The following PTPRT variants were observed in gnomAD, a reference collection of about 807,000 sequenced individuals.
PTPRT encodes protein tyrosine phosphatase receptor type T.
In PTPRT, 56 loss-of-function variants were observed where a neutral mutation model predicts 176.8. The observed-to-expected ratio is 0.32, with a 90% CI of 0.26 to 0.40. The LOEUF (loss-of-function observed/expected upper bound fraction) is 0.40. PTPRT is among the 10% of genes least tolerant of loss of function. The probability of loss-of-function intolerance (pLI) is 1.00; values close to 1 mark genes in which losing one functional copy is unlikely to be tolerated. For synonymous variants in PTPRT, 783 were observed against 739.0 expected (o/e 1.06, Z -0.96); for missense variants, 1,540 against 1,908.2 (o/e 0.81, Z 3.60).
chr20:42,997,139 G>A (rs540656115), intron 1 of PTPRT, among the ~76,000 whole-genome samples: 1 of 152,184 alleles, frequency 6.6e-6, no homozygotes, highest in South Asian at 2.1e-4. Flanking sequence ...TTTAGCAGAT[G>A]GTATTTTCCA....
rs377025066 is a variant in PTPRT at position 42,226,519 on chromosome 20, C to T, written c.2342+9710G>A. ...ACAAACAAAATGCAATCATTAGCAT[C>T]ATCATCAACATTGAGGGGCTTAACT... On this transcript the variant is annotated intron_variant, in intron 15 of 30. Coordinates refer to ENST00000373187, the MANE Select transcript of PTPRT (RefSeq NM_007050.6). 3.8e-4 allele frequency among the ~76,000 whole-genome samples: 58 copies of T among 152,268 alleles called. 1 individual carries two copies. The South Asian group carries it at 0.012, about 31-fold the overall frequency.
intron 1 of PTPRT, among the ~76,000 whole-genome samples, chr20:43,162,343 C>T (rs868036748): frequency 2.6e-5 from 4 of 152,170 alleles, no homozygotes; most frequent in Admixed American, 1.3e-4. Context: ...AACCTTATAA[C>T]GCGGATCTTA....
chr20:42,334,833 T>G (rs867495702), intron 11 of PTPRT, among the ~76,000 whole-genome samples: 2 of 152,210 alleles, frequency 1.3e-5, no homozygotes, highest in African/African-American at 4.8e-5. Flanking sequence ...CATTTGTTAT[T>G]TGAGAACTGC....
intron 7 of PTPRT, among the ~76,000 whole-genome samples, chr20:42,518,374 A>G (rs1443361153): frequency 6.6e-6 from 1 of 151,872 alleles, no homozygotes; most frequent in Non-Finnish European, 1.5e-5. Flanking sequence ...TCTTTGTTTT[A>G]GATATATTTC....
chr20:42,131,867 CT>C (rs1988137400), intron 18 of PTPRT, among the ~76,000 whole-genome samples: 1 of 152,156 alleles, frequency 6.6e-6, no homozygotes, highest in Non-Finnish European at 1.5e-5. Context: ...ATGAGGAAGT[CT>C]TTCCATCAGA....
chr20:42,877,073 T>C (rs200850043), intron 2 of PTPRT, among the ~76,000 whole-genome samples: 3 of 152,110 alleles, frequency 2.0e-5, no homozygotes, highest in East Asian at 3.8e-4. Flanking sequence ...ATGACTATCT[T>C]TTAAAAAATA....
intron 13 of PTPRT, among the ~76,000 whole-genome samples, chr20:42,258,202 T>C (rs957183036): frequency 2.6e-5 from 4 of 152,226 alleles, no homozygotes; most frequent in African/African-American, 7.2e-5. Context: ...CACTCTATCA[T>C]GCAGTTCTAT....
At chr20:42,272,686 T>C (rs535361004) in intron 13 of PTPRT, among the ~76,000 whole-genome samples, 1 of 151,508 alleles carries the variant, frequency 6.6e-6, no homozygotes, top group South Asian at 2.1e-4. Flanking sequence ...ACAATGCTTT[T>C]ATATGTGCGC....
chr20:42,536,263 T>C (rs2072475048), intron 7 of PTPRT, among the ~76,000 whole-genome samples: 1 of 152,194 alleles, frequency 6.6e-6, no homozygotes, highest in Non-Finnish European at 1.5e-5. Flanking sequence ...CTATGCCCTA[T>C]ACATTATCTC....
At chr20:42,952,154 G>A (rs540817165) in intron 1 of PTPRT, among the ~76,000 whole-genome samples, 4 of 152,304 alleles carry the variant, frequency 2.6e-5, no homozygotes, top group East Asian at 1.9e-4. Context: ...TCCCAAGGAC[G>A]CAACTAGCTG....
chr20:43,035,157 C>T (rs912448916), intron 1 of PTPRT, among the ~76,000 whole-genome samples: 11 of 152,108 alleles, frequency 7.2e-5, no homozygotes, highest in African/African-American at 2.2e-4. Flanking sequence ...TCGTAGTGCC[C>T]CAGCCCCTCA....
intron 1 of PTPRT, among the ~76,000 whole-genome samples, chr20:43,039,187 T>C (rs989206388): frequency 3.3e-5 from 5 of 152,194 alleles, no homozygotes; most frequent in African/African-American, 1.2e-4. Context: ...AAACATATCA[T>C]AGCTACAGTA....
At chr20:42,426,779 C>T (rs994276061) in intron 9 of PTPRT, among the ~76,000 whole-genome samples, 1 of 152,296 alleles carries the variant, frequency 6.6e-6, no homozygotes, top group South Asian at 2.1e-4. Context: ...ATGAGTCACA[C>T]CCCTGTTGTG....
intron 1 of PTPRT, among the ~76,000 whole-genome samples, chr20:42,972,619 C>A (rs569947097): frequency 1.5e-5 from 2 of 131,990 alleles, no homozygotes; most frequent in South Asian, 2.5e-4. Flanking sequence ...GTTGAGATCA[C>A]GGATCGTGTC....
intron 11 of PTPRT, among the ~76,000 whole-genome samples, chr20:42,322,110 C>T (rs952169829): frequency 2.0e-5 from 3 of 151,914 alleles, no homozygotes; most frequent in Admixed American, 6.6e-5. Flanking sequence ...GTTAAGACTC[C>T]GATACAAACA....
chr20:42,510,412 T>G (rs1216954635), intron 7 of PTPRT, among the ~76,000 whole-genome samples: 1 of 152,052 alleles, frequency 6.6e-6, no homozygotes, highest in Non-Finnish European at 1.5e-5. Flanking sequence ...TGGGTTATAG[T>G]TTTAACTTCC....
intron 16 of PTPRT, among the ~76,000 whole-genome samples, chr20:42,174,217 T>G (rs1358465591): frequency 6.6e-6 from 1 of 152,130 alleles, no homozygotes; most frequent in East Asian, 1.9e-4. Flanking sequence ...TAGAAGAACA[T>G]GTCTTGGTCA....
intron 9 of PTPRT, among the ~76,000 whole-genome samples, chr20:42,357,897 G>C (rs1349437125): frequency 6.6e-6 from 1 of 152,156 alleles, no homozygotes; most frequent in Non-Finnish European, 1.5e-5. Flanking sequence ...CTGGGAAACA[G>C]AGTGAGACCA....
chr20:43,043,028 C>A (rs1387775653), intron 1 of PTPRT, among the ~76,000 whole-genome samples: 1 of 152,154 alleles, frequency 6.6e-6, no homozygotes, highest in Admixed American at 6.5e-5. Flanking sequence ...CCATCTGAAT[C>A]ACAGAAAGGA....
Sources: gnomAD v4.1 joint callset for allele counts (sites outside exome capture counted in the v4.1 genomes callset) on GRCh38, gnomAD v4.1.1 for gene constraint, MANE v1.5 for transcripts, NCBI Gene and HGNC (gene_info 2026-07-23, HGNC 2026-07-21) for gene names.